LHFPL6: variants seen among roughly 807,000 people sequenced by gnomAD.
LHFPL6 encodes LHFPL tetraspan subfamily member 6.
LHFPL6 carries 9 observed loss-of-function variants against 20.6 expected under a neutral mutation model. That is an observed-to-expected ratio of 0.44 (90% CI 0.26 to 0.76). The LOEUF is 0.76. Ranked by LOEUF, LHFPL6 falls within the 30% of genes least tolerant of loss-of-function variation. LHFPL6 has a pLI of 0.20. For missense variants in LHFPL6, 218 were observed against 253.5 expected, an observed-to-expected ratio of 0.86 and a Z score of 0.95; for synonymous variants, 105 against 98.7, an observed-to-expected ratio of 1.06 and a Z score of -0.38.
chr13:39,554,243 T>C (rs1345153724), intron 2 of LHFPL6, among the ~76,000 whole-genome samples: 1 of 151,374 alleles, frequency 6.6e-6, no homozygotes, highest in Admixed American at 6.6e-5. Flanking sequence ...CTCAAAGTTA[T>C]CTACCAGTCT....
intron 2 of LHFPL6, among the ~76,000 whole-genome samples, chr13:39,410,273 G>A (rs1209235809): frequency 1.3e-5 from 2 of 152,210 alleles, no homozygotes; most frequent in Non-Finnish European, 2.9e-5. Context: ...GCTTTCAGCA[G>A]GCAACTGCTT....
Position 39,539,146 on chromosome 13 carries a change from T to C in LHFPL6, c.385+61686A>G, listed in dbSNP as rs189588456. Among the ~76,000 whole-genome samples the C allele has an allele frequency of 1.8e-4, 28 of 152,332 alleles. No individual in the cohort carries two copies. The East Asian group carries it at 4.8e-3, about 26-fold the overall frequency. On this transcript the variant is annotated intron_variant, in intron 2 of 3. Transcript: ENST00000379589. The stretch of plus-strand genomic sequence containing the variant: ...AATTAAAAAATAGAAGCTGGGCTTA[T>C]GACAAATACAGTCCTTGGCCCCAGT...
intron 2 of LHFPL6, among the ~76,000 whole-genome samples, chr13:39,451,533 C>T (rs768846537): frequency 1.3e-5 from 2 of 152,206 alleles, no homozygotes; most frequent in Non-Finnish European, 2.9e-5. Flanking sequence ...AAATCAAACT[C>T]GCACTATTGT....
chr13:39,349,262 G>A (rs868200651), intron 3 of LHFPL6, among the ~76,000 whole-genome samples: 4 of 152,200 alleles, frequency 2.6e-5, no homozygotes, highest in African/African-American at 9.6e-5. Flanking sequence ...ATTATATTGA[G>A]ATATAGCCAG....
chr13:39,490,281 C>G (rs924414222), intron 2 of LHFPL6, among the ~76,000 whole-genome samples: 32 of 152,188 alleles, frequency 2.1e-4, no homozygotes, highest in African/African-American at 7.0e-4. Flanking sequence ...GAATCTCTCT[C>G]TTAGAGACAA....
rs67172252 is a variant in LHFPL6, at chr13:39,343,603, TTGTGTGTGTGTGTGTGTGTGTG to T, written c.*311_*332del. The T allele has an allele frequency of 2.6e-5, 5 of 195,112 alleles. No homozygotes were observed. Among genetic ancestry groups the T allele is most frequent in the East Asian group, 1.5e-4 (2 of 13,266 alleles). The allele number at this position is 195,112 out of a possible 1,614,324, so 12.1% of individuals were successfully genotyped here. Reference sequence around the variant, plus strand: ...ACCCTTGTTTGTATATGTAGATTTGTTGTGTGTGTGTGTGTGTGTGTGTGTGTGTGTGTGTGTGTGTGTGTGT... The same window carrying T: ...ACCCTTGTTTGTATATGTAGATTTGTTGTGTGTGTGTGTGTGTGTGTGTGT... On this transcript the variant is annotated 3_prime_UTR_variant, in exon 4 of 4. Transcript: ENST00000379589.
At chr13:39,492,283 A>G (rs375326555) in intron 2 of LHFPL6, among the ~76,000 whole-genome samples, 27 of 152,204 alleles carry the variant, frequency 1.8e-4, no homozygotes, top group African/African-American at 6.5e-4. Flanking sequence ...TAAAAACTCT[A>G]GAGCATATGA....
chr13:39,437,419 C>T (rs1421223095), intron 2 of LHFPL6, among the ~76,000 whole-genome samples: 2 of 152,198 alleles, frequency 1.3e-5, no homozygotes, highest in Non-Finnish European at 2.9e-5. Flanking sequence ...TCCCCACTCC[C>T]TCTTTTCCTC....
At chr13:39,577,451 C>T (rs1872150977) in intron 2 of LHFPL6, among the ~76,000 whole-genome samples, 3 of 152,172 alleles carry the variant, frequency 2.0e-5, no homozygotes, top group African/African-American at 7.2e-5. Context: ...AAGAATGAAA[C>T]TCAATGTGCA....
chr13:39,580,654 A>AG (rs1872254356), intron 2 of LHFPL6, among the ~76,000 whole-genome samples: 1 of 152,200 alleles, frequency 6.6e-6, no homozygotes, highest in Non-Finnish European at 1.5e-5. Flanking sequence ...TATGTAACCA[A>AG]CTGTTGGTAA....
intron 2 of LHFPL6, among the ~76,000 whole-genome samples, chr13:39,413,562 G>T (rs1871283216): frequency 1.4e-5 from 2 of 147,624 alleles, no homozygotes; most frequent in African/African-American, 5.0e-5. Flanking sequence ...GGGACTACAG[G>T]CGTGTGTCAT....
intron 3 of LHFPL6, 59 bp downstream of exon 3, chr13:39,378,369 A>G (rs1183763089): frequency 2.1e-6 from 3 of 1,415,144 alleles, no homozygotes; most frequent in African/African-American, 1.4e-5. Context: ...TTCTGCTTCT[A>G]TGAAACATCA....
chr13:39,569,650 A>C (rs532609391), intron 2 of LHFPL6, among the ~76,000 whole-genome samples: 65 of 152,210 alleles, frequency 4.3e-4, no homozygotes, highest in Non-Finnish European at 7.9e-4. Context: ...TGATTTTTGT[A>C]AGATATTTGA....
At chr13:39,406,025 A>G (rs1201607175) in intron 2 of LHFPL6, among the ~76,000 whole-genome samples, 1 of 152,196 alleles carries the variant, frequency 6.6e-6, no homozygotes, top group Non-Finnish European at 1.5e-5. Flanking sequence ...ATTATTCTGT[A>G]TTGTAGCTGA....
intron 2 of LHFPL6, among the ~76,000 whole-genome samples, chr13:39,476,924 G>T (rs750703273): frequency 2.6e-4 from 39 of 152,320 alleles, no homozygotes; most frequent in Non-Finnish European, 5.3e-4. Context: ...GGGATATTCT[G>T]CATGGTCTTT....
chr13:39,451,749 A>T (rs552050826), intron 2 of LHFPL6, among the ~76,000 whole-genome samples: 1 of 152,316 alleles, frequency 6.6e-6, no homozygotes, highest in Admixed American at 6.5e-5. Flanking sequence ...AGCCAAATAG[A>T]TTCTCCTTTC....
chr13:39,518,853 A>G lies in LHFPL6; in HGVS notation c.385+81979T>C, dbSNP rs138567768. 3.8e-3 allele frequency among the ~76,000 whole-genome samples: 573 copies of G among 152,356 alleles called. 3 individuals carry two copies. The highest frequency in any genetic ancestry group is 5.7e-3 in the Non-Finnish European group (391 of 68,040). On this transcript the variant is annotated intron_variant, in intron 2 of 3. Transcript: ENST00000379589. ...TACTGATGTTCCCTGAAGTTGGACA[A>G]TTAATGGGTAGCATCCAGTCCACGA...
intron 2 of LHFPL6, among the ~76,000 whole-genome samples, chr13:39,402,410 G>T (rs1034153104): frequency 6.6e-6 from 1 of 151,970 alleles, no homozygotes; most frequent in East Asian, 1.9e-4. Context: ...CAATTTTTTT[G>T]TGGAGATAGG....
chr13:39,580,279 G>A (rs1593372449), intron 2 of LHFPL6, among the ~76,000 whole-genome samples: 1 of 151,770 alleles, frequency 6.6e-6, no homozygotes, highest in East Asian at 1.9e-4. Context: ...GTGGTGACAG[G>A]TGTTAAAAAA....
Sources: allele counts gnomAD v4.1 joint callset (sites outside exome capture counted in the v4.1 genomes callset), GRCh38; gene constraint gnomAD v4.1.1; transcripts MANE v1.5; gene names NCBI Gene and HGNC (gene_info 2026-07-23, HGNC 2026-07-21).